The following MYO1E variants were observed in gnomAD, a reference collection of about 807,000 sequenced individuals.
MYO1E encodes myosin IE.
A neutral mutation model predicts 151.1 loss-of-function variants in MYO1E; 68 were observed. The observed-to-expected ratio is 0.45, with a 90% CI of 0.37 to 0.55. The LOEUF is 0.55. Among genes scored for constraint, MYO1E ranks in the 20% least tolerant of loss-of-function variants. The pLI is 0.00. For synonymous variants in MYO1E, 601 were observed against 501.7 expected (o/e 1.20, Z -2.64); for missense variants, 1,363 against 1,389.3 (o/e 0.98, Z 0.30).
At chr15:59,215,961 C>A (rs1414077676) in intron 10 of MYO1E, among the ~76,000 whole-genome samples, 1 of 152,164 alleles carries the variant, frequency 6.6e-6, no homozygotes, top group Non-Finnish European at 1.5e-5. Context: ...GGGGTCTGGA[C>A]AACCTAACTG....
intron 1 of MYO1E, among the ~76,000 whole-genome samples, chr15:59,288,425 C>T (rs1382774937): frequency 6.6e-6 from 1 of 152,180 alleles, no homozygotes; most frequent in Admixed American, 6.5e-5. Context: ...GATCTTCCTG[C>T]CTTGGCCTCC....
At chr15:59,231,116 G>A (rs1010696531) in intron 6 of MYO1E, among the ~76,000 whole-genome samples, 13 of 152,204 alleles carry the variant, frequency 8.5e-5, no homozygotes, top group Non-Finnish European at 1.8e-4. Flanking sequence ...CCAGTTAAGA[G>A]GCAACCTGTG....
At chr15:59,325,066 C>T (rs538536364) in intron 1 of MYO1E, among the ~76,000 whole-genome samples, 13 of 151,030 alleles carry the variant, frequency 8.6e-5, no homozygotes, top group Admixed American at 2.0e-4. Flanking sequence ...GACAGAATCT[C>T]GCTCTATCGC....
At chr15:59,271,627 G>A (rs1166879530) in intron 2 of MYO1E, among the ~76,000 whole-genome samples, 1 of 152,108 alleles carries the variant, frequency 6.6e-6, no homozygotes, top group Non-Finnish European at 1.5e-5. Context: ...ATAAAAAATG[G>A]CATCCGGCAA....
intron 4 of MYO1E, among the ~76,000 whole-genome samples, chr15:59,237,684 T>C (rs2080075290): frequency 6.6e-6 from 1 of 152,268 alleles, no homozygotes; most frequent in Non-Finnish European, 1.5e-5. Context: ...AGAGCAAATG[T>C]TCTTCTATGA....
At chr15:59,262,421 G>A (rs554132945) in intron 2 of MYO1E, among the ~76,000 whole-genome samples, 13 of 151,610 alleles carry the variant, frequency 8.6e-5, no homozygotes, top group Admixed American at 4.6e-4. Flanking sequence ...GTTTGAGGCC[G>A]GCCTGGGCAA....
chr15:59,141,376 T>C (rs1258485023), intron 26 of MYO1E, among the ~76,000 whole-genome samples: 1 of 152,216 alleles, frequency 6.6e-6, no homozygotes, highest in African/African-American at 2.4e-5. Context: ...ATATAACCTA[T>C]GCACATCCTC....
chr15:59,235,948 G>A (rs1440818521), intron 5 of MYO1E, among the ~76,000 whole-genome samples: 2 of 152,138 alleles, frequency 1.3e-5, no homozygotes, highest in African/African-American at 2.4e-5. Flanking sequence ...CATGTTTTGT[G>A]AGTAATTTAT....
Position 59,354,477 on chromosome 15 carries a change from C to T in MYO1E, c.3+18021G>A, listed in dbSNP as rs1481509406. Among the ~76,000 whole-genome samples the T allele has an allele frequency of 3.3e-5, 5 of 152,182 alleles. No homozygotes were observed. In the East Asian group the frequency reaches 9.6e-4, roughly 29 times the overall value. On this transcript the variant is annotated intron_variant, in intron 1 of 27. Transcript: ENST00000288235. ...CAAAAGCAGCCTAACCACTCCCCCACAAACGTCAGAAAAGCCCTCGCTTGG... is the reference window on the plus strand; with the variant it reads ...CAAAAGCAGCCTAACCACTCCCCCATAAACGTCAGAAAAGCCCTCGCTTGG...
intron 17 of MYO1E, among the ~76,000 whole-genome samples, chr15:59,189,605 T>C (rs982687027): frequency 1.3e-5 from 2 of 151,962 alleles, no homozygotes; most frequent in African/African-American, 4.8e-5. Context: ...GACAGAGTCT[T>C]GCTTTGTCAT....
chr15:59,298,548 C>T (rs2080464667), intron 1 of MYO1E, among the ~76,000 whole-genome samples: 1 of 152,202 alleles, frequency 6.6e-6, no homozygotes, highest in Admixed American at 6.5e-5. Flanking sequence ...TGCAAAGCTG[C>T]TATGTGTGGG....
intron 9 of MYO1E, among the ~76,000 whole-genome samples, chr15:59,220,999 T>C (rs1354312680): frequency 6.9e-6 from 1 of 145,204 alleles, no homozygotes; most frequent in Non-Finnish European, 1.5e-5. Flanking sequence ...ATATATATAA[T>C]TATATATATA....
chr15:59,284,989 G>A (rs1234282543), intron 1 of MYO1E, among the ~76,000 whole-genome samples: 3 of 152,098 alleles, frequency 2.0e-5, no homozygotes, highest in Non-Finnish European at 4.4e-5. Context: ...TTCAGCTGTG[G>A]CTCTGCTAGC....
chr15:59,356,737 C>T (rs1325539925), intron 1 of MYO1E, among the ~76,000 whole-genome samples: 1 of 151,942 alleles, frequency 6.6e-6, no homozygotes, highest in Non-Finnish European at 1.5e-5. Context: ...AACACCACAA[C>T]CGGCTATTTT....
chr15:59,297,099 G>A (rs1335603531), intron 1 of MYO1E, among the ~76,000 whole-genome samples: 6 of 147,940 alleles, frequency 4.1e-5, no homozygotes, highest in African/African-American at 1.5e-4. Context: ...TGATCCACTC[G>A]CCTCGGCCTC....
At chr15:59,234,662 A>G (rs2080051183) in intron 5 of MYO1E, among the ~76,000 whole-genome samples, 1 of 152,088 alleles carries the variant, frequency 6.6e-6, no homozygotes, top group African/African-American at 2.4e-5. Flanking sequence ...CCTACCAAAA[A>G]CAAACAAAAA....
chr15:59,288,836 C>A (rs1406636116), intron 1 of MYO1E, among the ~76,000 whole-genome samples: 1 of 152,190 alleles, frequency 6.6e-6, no homozygotes, highest in Non-Finnish European at 1.5e-5. Flanking sequence ...CAGACAGTAG[C>A]TGCAGAGAAG....
intron 1 of MYO1E, among the ~76,000 whole-genome samples, chr15:59,364,925 C>T (rs1288144330): frequency 6.6e-6 from 1 of 151,972 alleles, no homozygotes; most frequent in Non-Finnish European, 1.5e-5. Flanking sequence ...AACAAACAAA[C>T]AAAGAAACAA....
rs200110660 is a variant in MYO1E, at chr15:59,174,867, G to A, written c.2050-627C>T. On this transcript the variant is annotated intron_variant, in intron 19 of 27. Transcript: ENST00000288235. ...GTTAATGAGGACTTGCATTTGCCCA[G>A]AAAGGCTGGGGCTGTTTAGGGACCA... Among the ~76,000 whole-genome samples the A allele has an allele frequency of 3.9e-5, 6 of 152,240 alleles. No homozygotes were observed. In the East Asian group the frequency reaches 1.2e-3, roughly 29 times the overall value.
Sources: gnomAD v4.1 joint callset for allele counts (sites outside exome capture counted in the v4.1 genomes callset) on GRCh38, gnomAD v4.1.1 for gene constraint, MANE v1.5 for transcripts, NCBI Gene and HGNC (gene_info 2026-07-23, HGNC 2026-07-21) for gene names.